Variants in CNTN3 observed in about 807,000 individuals in gnomAD.
CNTN3 encodes the protein contactin-3.
In CNTN3, 60 loss-of-function variants were observed where a neutral mutation model predicts 119.1. The ratio of observed to expected loss-of-function variants is 0.50; its 90% CI spans 0.41 to 0.62. The LOEUF (loss-of-function observed/expected upper bound fraction) is 0.62. Ranked by LOEUF, CNTN3 falls within the 20% of genes least tolerant of loss-of-function variation. The pLI, the probability that CNTN3 is intolerant of heterozygous loss-of-function variation, is 0.00. For synonymous variants in CNTN3, 450 were observed against 438.7 expected, an observed-to-expected ratio of 1.03 and a Z score of -0.32; for missense variants, 1,101 against 1,242.4, an observed-to-expected ratio of 0.89 and a Z score of 1.71.
At chr3:74,404,453 T>A (rs1389745205) in intron 5 of CNTN3, among the ~76,000 whole-genome samples, 1 of 152,148 alleles carries the variant, frequency 6.6e-6, no homozygotes, top group Non-Finnish European at 1.5e-5. Flanking sequence ...ATCACTTCTA[T>A]GCTTATCTCT....
intron 11 of CNTN3, among the ~76,000 whole-genome samples, chr3:74,356,875 G>T (rs1051770865): frequency 2.0e-5 from 3 of 152,114 alleles, no homozygotes; most frequent in Non-Finnish European, 4.4e-5. Context: ...TTGCAAAGCT[G>T]TTATTGTGCT....
chr3:74,528,650 T>A (rs1261528329), intron 1 of CNTN3, among the ~76,000 whole-genome samples: 2 of 151,936 alleles, frequency 1.3e-5, no homozygotes, highest in African/African-American at 4.8e-5. Context: ...ACTGTGTACT[T>A]ACAACCTATT....
At chr3:74,452,844 C>T (rs1390627771) in intron 4 of CNTN3, among the ~76,000 whole-genome samples, 2 of 151,876 alleles carry the variant, frequency 1.3e-5, no homozygotes, top group African/African-American at 2.4e-5. Flanking sequence ...ACTGAACCAG[C>T]CTTGCATCCC....
chr3:74,267,158 G>GA (rs1238443977), intron 21 of CNTN3, 108 bp downstream of exon 21: 3 of 601,436 alleles, frequency 5.0e-6, no homozygotes, highest in Non-Finnish European at 8.8e-6. Flanking sequence ...GTCAAAATTA[G>GA]ATTACAGAAA....
rs144047432 is a variant in CNTN3 at position 74,456,069 on chromosome 3, A to G, written c.358+30387T>C. On this transcript the variant is annotated intron_variant, in intron 4 of 22. Coordinates refer to ENST00000263665, the MANE Select transcript of CNTN3 (RefSeq NM_020872.3). The stretch of plus-strand genomic sequence containing the variant: ...TCTCCAAAACTGTAAGGTGCTGAGC[A>G]CTCTTCTTTGTATTACTACTGTAAA... Among the ~76,000 whole-genome samples the G allele has an allele frequency of 9.9e-4, 150 of 152,028 alleles. 5 individuals are homozygous for G. In the East Asian group the frequency reaches 0.027, roughly 28 times the overall value.
chr3:74,470,563 T>G (rs1702541120), intron 4 of CNTN3, among the ~76,000 whole-genome samples: 1 of 152,020 alleles, frequency 6.6e-6, no homozygotes, highest in African/African-American at 2.4e-5. Context: ...GAAAAAAGCC[T>G]TGGGTGGATT....
At position 74,505,524 on chromosome 3, in the gene CNTN3, C is replaced by CACACCA. The variant is rs199530317; in HGVS notation, c.56-5740_56-5739insTGGTGT. ...AAATACACACACACACACACACACA[C>CACACCA]CACACATACACACAATATGTTACAG... is the stretch of plus-strand genomic sequence containing the variant. On this transcript the variant is annotated intron_variant, in intron 2 of 22. Coordinates refer to ENST00000263665, the MANE Select transcript of CNTN3 (RefSeq NM_020872.3). Among the ~76,000 whole-genome samples the CACACCA allele has an allele frequency of 4.0e-4, 59 of 147,128 alleles. 1 individual carries two copies. The East Asian group carries it at 7.6e-3, about 19-fold the overall frequency.
intron 6 of CNTN3, among the ~76,000 whole-genome samples, chr3:74,370,422 A>G (rs1308029187): frequency 6.6e-6 from 1 of 152,132 alleles, no homozygotes; most frequent in Non-Finnish European, 1.5e-5. Context: ...GTCAAACTGA[A>G]ATATATAATA....
intron 1 of CNTN3, among the ~76,000 whole-genome samples, chr3:74,529,923 G>A (rs1703670481): frequency 6.8e-6 from 1 of 147,606 alleles, no homozygotes; most frequent in East Asian, 2.0e-4. Context: ...AGTAGAAAAA[G>A]GTAAATGAAA....
intron 1 of CNTN3, among the ~76,000 whole-genome samples, chr3:74,523,302 T>C (rs943794254): frequency 6.6e-6 from 1 of 151,814 alleles, no homozygotes; most frequent in African/African-American, 2.4e-5. Context: ...CACATATAGA[T>C]AGATAGATAA....
intron 5 of CNTN3, among the ~76,000 whole-genome samples, chr3:74,373,554 G>C (rs578084909): frequency 9.2e-5 from 14 of 152,094 alleles, no homozygotes; most frequent in Non-Finnish European, 2.1e-4. Context: ...CTCTGACTCA[G>C]AGTCAGAAAA....
At chr3:74,434,132 A>G (rs1701829278) in intron 4 of CNTN3, among the ~76,000 whole-genome samples, 1 of 152,216 alleles carries the variant, frequency 6.6e-6, no homozygotes, top group African/African-American at 2.4e-5. Context: ...GAATTAGAAC[A>G]TCAGGATATT....
At chr3:74,600,395 C>A (rs1340615789) in intron 1 of CNTN3, among the ~76,000 whole-genome samples, 3 of 151,922 alleles carry the variant, frequency 2.0e-5, no homozygotes, top group Non-Finnish European at 4.4e-5. Context: ...ATTTTTCTTC[C>A]AAGTGGAGGC....
intron 1 of CNTN3, among the ~76,000 whole-genome samples, chr3:74,590,558 G>C (rs1186204893): frequency 6.6e-6 from 1 of 151,880 alleles, no homozygotes; most frequent in Non-Finnish European, 1.5e-5. Flanking sequence ...AAACATATGG[G>C]GGCATTTTAG....
At chr3:74,402,934 C>T (rs1290313516) in intron 5 of CNTN3, among the ~76,000 whole-genome samples, 1 of 152,102 alleles carries the variant, frequency 6.6e-6, no homozygotes, top group Non-Finnish European at 1.5e-5. Context: ...GGGCATGGTG[C>T]TCTGAGTTCT....
At chr3:74,465,605 C>T (rs1702447181) in intron 4 of CNTN3, among the ~76,000 whole-genome samples, 1 of 152,050 alleles carries the variant, frequency 6.6e-6, no homozygotes, top group South Asian at 2.1e-4. Context: ...ATTGTACACA[C>T]AAAAAAATGC....
chr3:74,282,277 T>C (rs886410313), intron 20 of CNTN3, among the ~76,000 whole-genome samples: 7 of 152,232 alleles, frequency 4.6e-5, no homozygotes, highest in African/African-American at 1.4e-4. Flanking sequence ...ATCAGAAATA[T>C]CATCTAAAAT....
chr3:74,534,763 T>C (rs1703739877), intron 1 of CNTN3, among the ~76,000 whole-genome samples: 1 of 152,062 alleles, frequency 6.6e-6, no homozygotes, highest in Non-Finnish European at 1.5e-5. Context: ...TTAAGTATGA[T>C]ATATACATAT....
intron 17 of CNTN3, among the ~76,000 whole-genome samples, chr3:74,298,565 A>C (rs2106810732): frequency 6.6e-6 from 1 of 152,048 alleles, no homozygotes. Flanking sequence ...GAGAAGAAAT[A>C]TTAAAATGGT....
Sources: gnomAD v4.1 joint callset for allele counts (sites outside exome capture counted in the v4.1 genomes callset) on GRCh38, gnomAD v4.1.1 for gene constraint, MANE v1.5 for transcripts, NCBI Gene and HGNC (gene_info 2026-07-23, HGNC 2026-07-21) for gene names.